Variants in PYM1 observed in about 807,000 individuals in gnomAD.
The protein encoded by PYM1 is partner of Y14 and mago.
PYM1 carries 7 observed loss-of-function variants against 20.7 expected under a neutral mutation model. The ratio of observed to expected loss-of-function variants is 0.34; its 90% CI spans 0.19 to 0.64. The LOEUF (loss-of-function observed/expected upper bound fraction) is 0.64, where lower values mean the gene tolerates loss of function less well. Among genes scored for constraint, PYM1 ranks in the 30% least tolerant of loss-of-function variants. PYM1 has a pLI of 0.74. For missense variants in PYM1, 194 were observed against 250.0 expected (o/e 0.78, Z 1.51); for synonymous variants, 100 against 99.2 (o/e 1.01, Z -0.05).
intron 1 of PYM1, among the ~76,000 whole-genome samples, chr12:55,919,620 A>C (rs1234304986): frequency 2.6e-5 from 4 of 151,828 alleles, no homozygotes; most frequent in Admixed American, 1.3e-4. Context: ...GCTGGGGGCC[A>C]GGCATGGTGG....
chr12:55,913,893 C>G (rs918120815), intron 1 of PYM1: 2 of 159,620 alleles, frequency 1.3e-5, no homozygotes, highest in Non-Finnish European at 2.7e-5. Flanking sequence ...AGGAATACAA[C>G]AATGAATAAA....
At chr12:55,926,875 G>A (rs1883198075) in intron 1 of PYM1, among the ~76,000 whole-genome samples, 1 of 152,182 alleles carries the variant, frequency 6.6e-6, no homozygotes, top group African/African-American at 2.4e-5. Context: ...CAGGGTTTGG[G>A]TGACCGGAAG....
intron 1 of PYM1, among the ~76,000 whole-genome samples, chr12:55,905,051 G>A (rs990369967): frequency 4.0e-5 from 6 of 151,374 alleles, no homozygotes; most frequent in African/African-American, 1.5e-4. Context: ...GCCCAGGCTG[G>A]AGTGCAGTGG....
At chr12:55,917,635 T>C (rs1883030141) in intron 1 of PYM1, among the ~76,000 whole-genome samples, 1 of 151,968 alleles carries the variant, frequency 6.6e-6, no homozygotes, top group South Asian at 2.1e-4. Context: ...CAACAGACAT[T>C]GGGGATTATT....
chr12:55,902,486 T>C, intron 2 of PYM1, 131 bp from the exon 3 acceptor site: 2 of 1,340,532 alleles, frequency 1.5e-6, no homozygotes, highest in Non-Finnish European at 2.0e-6. Context: ...TGTGGGGTTG[T>C]TTGTTTTTTG....
intron 1 of PYM1, among the ~76,000 whole-genome samples, chr12:55,916,212 G>A (rs1483366832): frequency 6.6e-6 from 1 of 152,064 alleles, no homozygotes; most frequent in Non-Finnish European, 1.5e-5. Context: ...GCACATGCTT[G>A]TAATCCCAGC....
chr12:55,905,172 T>TC (rs1257581019), intron 1 of PYM1, among the ~76,000 whole-genome samples: 1 of 150,360 alleles, frequency 6.7e-6, no homozygotes, highest in East Asian at 2.0e-4. Context: ...TGGCTAATTT[T>TC]TTTTTTTTTT....
At position 55,901,445 on chromosome 12, in the gene PYM1, CT is replaced by C. The variant is rs1292034688; in HGVS notation, c.*426del. The C allele has an allele frequency of 1.9e-5, 3 of 156,428 alleles. No homozygotes were observed. The highest frequency in any genetic ancestry group is 1.9e-4 in the East Asian group (1 of 5,280). 9.7% of individuals were successfully genotyped at this position (156,428 alleles called of 1,614,324 possible). On this transcript the variant is annotated 3_prime_UTR_variant, in exon 3 of 3. Coordinates refer to ENST00000408946, the MANE Select transcript of PYM1 (RefSeq NM_032345.3). ...CTACTTGTGTTTATTCTCATTTTTGCTTTTTTTAAAAAAAAAAAAAAAATGA... is the reference window on the plus strand; with the variant it reads ...CTACTTGTGTTTATTCTCATTTTTGCTTTTTTAAAAAAAAAAAAAAAATGA...
chr12:55,926,640 A>T (rs1046077604), intron 1 of PYM1, among the ~76,000 whole-genome samples: 3 of 152,242 alleles, frequency 2.0e-5, no homozygotes, highest in Non-Finnish European at 4.4e-5. Context: ...GTCTTCAGCA[A>T]ATAAAGCTTC....
At chr12:55,902,822 A>T (rs571300027) in intron 2 of PYM1, among the ~76,000 whole-genome samples, 1 of 148,560 alleles carries the variant, frequency 6.7e-6, no homozygotes. Context: ...GCTGAAGTGC[A>T]CTGGCGCAAT....
intron 1 of PYM1, among the ~76,000 whole-genome samples, chr12:55,908,626 C>G (rs537578260): frequency 1.3e-5 from 2 of 152,072 alleles, no homozygotes; most frequent in African/African-American, 4.8e-5. Context: ...CCGAGGCAGG[C>G]AGATCACCTG....
Position 55,901,798 on chromosome 12 carries a change from G to A in PYM1, c.*74C>T. 5 of 1,524,368 alleles carry A rather than the reference G, an allele frequency of 3.3e-6. No homozygotes were observed. The highest frequency in any genetic ancestry group is 4.4e-6 in the Non-Finnish European group (5 of 1,140,866). 94.4% of individuals were successfully genotyped at this position (1,524,368 alleles called of 1,614,324 possible). On this transcript the variant is annotated 3_prime_UTR_variant, in exon 3 of 3. Transcript: ENST00000408946. ...ATGGGGGGTACCCCTCCTGACTGCT[G>A]TTGCCCGTATTCCCCCAGACCCCAG...
At position 55,901,962 on chromosome 12, in the gene PYM1, T is replaced by A; in HGVS notation, c.525A>T (p.Glu175Asp). 2 of 1,614,140 alleles carry A rather than the reference T, an allele frequency of 1.2e-6. No homozygotes were observed. Among genetic ancestry groups the A allele is most frequent in the Non-Finnish European group, 1.7e-6 (2 of 1,180,024 alleles). The change falls in exon 3 of 3, where the codon GAA (glutamate) becomes GAT (aspartate). Residue 175 changes from glutamate (E) to aspartate (D), a missense_variant. By Grantham distance (45) the Glu-to-Asp change is conservative. Transcript: ENST00000408946. ...EELQQRIQAGEVSQPSKEQLE... is the reference protein window; with the variant it reads ...EELQQRIQAGDVSQPSKEQLE... ...GCTGCTCTTTGCTAGGCTGGCTGAC[T>A]TCCCCAGCCTGGATCCGCTGCTGCA...
At chr12:55,925,867 AAC>A (rs2136271387) in intron 1 of PYM1, among the ~76,000 whole-genome samples, 1 of 152,350 alleles carries the variant, frequency 6.6e-6, no homozygotes, top group East Asian at 1.9e-4. Context: ...GTATTTTCAA[AAC>A]ACACATTAAA....
At chr12:55,916,961 G>A (rs1398281430) in intron 1 of PYM1, among the ~76,000 whole-genome samples, 1 of 151,460 alleles carries the variant, frequency 6.6e-6, no homozygotes, top group Non-Finnish European at 1.5e-5. Context: ...AATTAGCTGG[G>A]CATGGTGGCG....
Position 55,902,145 on chromosome 12 carries a change from A to G in PYM1, c.342T>C (p.Asp114=). The change falls in exon 3 of 3, where the codon GAT becomes GAC. Residue 114 remains aspartate, a synonymous_variant. Coordinates refer to ENST00000408946, the MANE Select transcript of PYM1 (RefSeq NM_032345.3). ...GGGCTGTCTCTTCCAGGGACACCTT[A>G]TCAAGAGTCCTGCTCAAGGCCTCTG... ...GEAEALSRTL[D]KVSLEETAQL... is the part of the protein sequence containing the mutation. 6.2e-7 allele frequency: 1 copy of G among 1,614,012 alleles called. No individual in the cohort carries two copies. The highest frequency in any genetic ancestry group is 8.5e-7 in the Non-Finnish European group (1 of 1,180,000).
intron 1 of PYM1, chr12:55,927,089 A>C (rs1428867988): frequency 6.5e-7 from 1 of 1,535,556 alleles, no homozygotes; most frequent in Admixed American, 2.0e-5. Context: ...CGGTCTCGTC[A>C]GTAACATAGG....
intron 1 of PYM1, chr12:55,927,268 C>A: frequency 9.4e-7 from 1 of 1,063,088 alleles, no homozygotes; most frequent in Non-Finnish European, 1.4e-6. Context: ...AGTGGAGAAG[C>A]TGAAATAGTT....
At chr12:55,905,958 A>C (rs1882806102) in intron 1 of PYM1, among the ~76,000 whole-genome samples, 1 of 127,762 alleles carries the variant, frequency 7.8e-6, no homozygotes, top group Non-Finnish European at 1.5e-5. Flanking sequence ...TATTATATAT[A>C]TCTAATAGAT....
Sources: gnomAD v4.1 joint callset for allele counts (sites outside exome capture counted in the v4.1 genomes callset) on GRCh38, gnomAD v4.1.1 for gene constraint, MANE v1.5 for transcripts, NCBI Gene and HGNC (gene_info 2026-07-23, HGNC 2026-07-21) for gene names.